Variants in PAK1 observed in about 807,000 individuals in gnomAD.
PAK1 encodes the protein p21 (RAC1) activated kinase 1, also known as serine/threonine-protein kinase PAK 1.
PAK1 carries 29 observed loss-of-function variants against 67.4 expected under a neutral mutation model. The observed-to-expected ratio is 0.43, with a 90% CI of 0.32 to 0.59. The LOEUF (loss-of-function observed/expected upper bound fraction) is 0.59, where lower values mean the gene tolerates loss of function less well. Among genes scored for constraint, PAK1 ranks in the 20% least tolerant of loss-of-function variants. The pLI, the probability that PAK1 is intolerant of heterozygous loss-of-function variation, is 0.07. For missense variants in PAK1, 337 were observed against 670.7 expected, an observed-to-expected ratio of 0.50 and a Z score of 5.50; for synonymous variants, 223 against 237.4, an observed-to-expected ratio of 0.94 and a Z score of 0.56.
chr11:77,429,094 A>AAAAAAAC lies in PAK1; in HGVS notation c.-21-36554_-21-36553insGTTTTTT, dbSNP rs1565696623. Among the ~76,000 whole-genome samples, 9 of 102,638 alleles carry AAAAAAAC rather than the reference A, an allele frequency of 8.8e-5. No homozygotes were observed. In the African/African-American group the frequency reaches 9.2e-4, roughly 10 times the overall value. 67.3% of individuals were successfully genotyped at this position (102,638 alleles called of 152,430 possible). A position where few individuals can be genotyped will look rare whatever the true frequency, so the allele number is the denominator to read the frequency against. ...AAAAAAAAAAAAAAAAAAAAAAAAA[A>AAAAAAAC]CACACACACACACATCAGGATTCCT... is the stretch of plus-strand genomic sequence containing the variant. On this transcript the variant is annotated intron_variant, in intron 1 of 14. Transcript: ENST00000356341.
the PAK1 span, among the ~76,000 whole-genome samples, chr11:77,524,689 G>A: frequency 6.6e-6 from 1 of 152,156 alleles, no homozygotes; most frequent in Non-Finnish European, 1.5e-5. Flanking sequence ...GAGTCATACT[G>A]GAAGATCAAT....
At chr11:77,457,919 T>A (rs1032463077) in intron 1 of PAK1, among the ~76,000 whole-genome samples, 1 of 152,208 alleles carries the variant, frequency 6.6e-6, no homozygotes, top group Non-Finnish European at 1.5e-5. Flanking sequence ...CAAGGACCCT[T>A]ACCAAGTCCC....
chr11:77,417,721 G>A (rs1234856462), intron 1 of PAK1, among the ~76,000 whole-genome samples: 1 of 143,142 alleles, frequency 7.0e-6, no homozygotes, highest in East Asian at 2.0e-4. Flanking sequence ...GGGATTCTGC[G>A]TTTTCTTTTT....
intron 1 of PAK1, among the ~76,000 whole-genome samples, chr11:77,470,802 C>T (rs1369525754): frequency 6.6e-6 from 1 of 152,132 alleles, no homozygotes; most frequent in African/African-American, 2.4e-5. Context: ...TCAAAAGAAA[C>T]AATCCTGGCT....
intron 1 of PAK1, among the ~76,000 whole-genome samples, chr11:77,447,324 A>G (rs1956657981): frequency 6.6e-6 from 1 of 152,156 alleles, no homozygotes; most frequent in Non-Finnish European, 1.5e-5. Flanking sequence ...CTGATTCTAT[A>G]GCTCTGAAAG....
rs751319534 is a variant in PAK1 at position 77,355,852 on chromosome 11, T to C, written c.598-10A>G. On this transcript the variant is annotated splice_polypyrimidine_tract_variant and intron_variant, in intron 6 of 14. Transcript: ENST00000356341. ...CAGACCGTGTGTATACCTGCATTAT[T>C]AGTGCAAAATTTTGGCAAGACCAGC... 3 of 1,611,570 alleles carry C rather than the reference T, an allele frequency of 1.9e-6. No individual in the cohort carries two copies. The Admixed American group carries it at 5.0e-5, about 27-fold the overall frequency.
chr11:77,368,936 T>C (rs1220542524), intron 5 of PAK1, among the ~76,000 whole-genome samples: 2 of 152,228 alleles, frequency 1.3e-5, no homozygotes, highest in Non-Finnish European at 1.5e-5. Flanking sequence ...ATTTGGTATT[T>C]AGCCTTTCAG....
chr11:77,513,854 C>A, the PAK1 span, among the ~76,000 whole-genome samples: 1 of 152,004 alleles, frequency 6.6e-6, no homozygotes, highest in Non-Finnish European at 1.5e-5. Flanking sequence ...CTCTATATTC[C>A]CACCTACTTA....
chr11:77,398,264 T>C (rs1036790033), intron 1 of PAK1, among the ~76,000 whole-genome samples: 2 of 152,210 alleles, frequency 1.3e-5, no homozygotes, highest in Non-Finnish European at 2.9e-5. Context: ...AGCCCTCCAC[T>C]ACCCTTTCCA....
intron 1 of PAK1, among the ~76,000 whole-genome samples, chr11:77,463,803 C>T (rs1262383107): frequency 6.6e-6 from 1 of 152,058 alleles, no homozygotes; most frequent in African/African-American, 2.4e-5. Context: ...AACTTCATCT[C>T]ATACCATTTA....
chr11:77,429,056 TAAAAAAAAAAAAAAAAAAAAAAA>T (rs566874549), intron 1 of PAK1, among the ~76,000 whole-genome samples: 2 of 49,000 alleles, frequency 4.1e-5, no homozygotes, highest in Admixed American at 2.9e-4. Flanking sequence ...CATTTAATAC[TAAAAAAAAAAAAAAAAAAAAAAA>T]AAAAAAAAAA....
rs34223016 is a variant in PAK1, at chr11:77,432,833, TA to T, written c.-21-40293del. Among the ~76,000 whole-genome samples the T allele has an allele frequency of 4.3e-4, 62 of 145,166 alleles. 1 individual carries two copies. Among genetic ancestry groups the T allele is most frequent in the African/African-American group, 1.0e-3 (40 of 39,080 alleles). ...CAATGAACAATCCAAAAACTGAAAT[TA>T]AAAAAAAAAACATTTAGAATAGCAT... On this transcript the variant is annotated intron_variant, in intron 1 of 14. Transcript: ENST00000356341.
chr11:77,477,574 A>AAAAAAAAAAAC (rs1958072862), upstream of PAK1, among the ~76,000 whole-genome samples: 1 of 150,242 alleles, frequency 6.7e-6, no homozygotes, highest in Non-Finnish European at 1.5e-5. Context: ...CTACAAAAAA[A>AAAAAAAAAAAC]AAAAAACCCA....
intron 1 of PAK1, among the ~76,000 whole-genome samples, chr11:77,397,398 C>G (rs775371827): frequency 6.6e-6 from 1 of 152,174 alleles, no homozygotes; most frequent in Non-Finnish European, 1.5e-5. Flanking sequence ...TAAGTCCTGG[C>G]TCTGCAATTT....
At chr11:77,498,346 G>A in the PAK1 span, among the ~76,000 whole-genome samples, 2 of 152,142 alleles carry the variant, frequency 1.3e-5, no homozygotes, top group African/African-American at 4.8e-5. Flanking sequence ...TTCCAGTCTT[G>A]ACCATTTAAA....
Position 77,374,338 on chromosome 11 carries a change from G to C in PAK1, c.467C>G (p.Ser156Cys). The change falls in exon 5 of 15, where the codon TCT (serine) becomes TGT (cysteine). Residue 156 changes from serine to cysteine, a missense_variant. This residue lies in a region of PAK1 where 150 missense variants were observed against 179.0 expected (regional missense o/e 0.84). Transcript: ENST00000356341. ...TAAATAAAGACTTACCAAGGCATTA[G>C]AAGAATTGTAATCCTCAGCTGACTT... Reference protein sequence around the residue: ...TDKSAEDYNSSNALNVKAVSE... With the variant: ...TDKSAEDYNSCNALNVKAVSE... 6.3e-7 allele frequency: 1 copy of C among 1,589,978 alleles called. No individual in the cohort carries two copies. Among genetic ancestry groups the C allele is most frequent in the South Asian group, 1.1e-5 (1 of 90,566 alleles).
chr11:77,482,796 G>A, the PAK1 span, among the ~76,000 whole-genome samples: 1 of 151,806 alleles, frequency 6.6e-6, no homozygotes, highest in Non-Finnish European at 1.5e-5. Flanking sequence ...TGTAAAGGCA[G>A]GATCTCCCTC....
At chr11:77,356,883 A>G (rs1946105682) in intron 6 of PAK1, among the ~76,000 whole-genome samples, 1 of 152,216 alleles carries the variant, frequency 6.6e-6, no homozygotes, top group South Asian at 2.1e-4. Flanking sequence ...AGAAGTGATC[A>G]TAAATTATAC....
At chr11:77,434,267 A>C (rs951727463) in intron 1 of PAK1, among the ~76,000 whole-genome samples, 7 of 152,230 alleles carry the variant, frequency 4.6e-5, no homozygotes, top group African/African-American at 9.6e-5. Context: ...GAATAAATAA[A>C]ATGTGGCATA....
Sources: allele counts gnomAD v4.1 joint callset (sites outside exome capture counted in the v4.1 genomes callset), GRCh38; gene constraint gnomAD v4.1.1; regional missense constraint gnomAD v4.1.1; transcripts MANE v1.5; gene names NCBI Gene and HGNC (gene_info 2026-07-23, HGNC 2026-07-21).